The following PPP5C variants were observed in gnomAD, a reference collection of about 807,000 sequenced individuals.
PPP5C encodes protein phosphatase 5 catalytic subunit.
Under a neutral mutation model 66.7 loss-of-function variants are expected in PPP5C, and 21 were observed. The observed-to-expected ratio is 0.31, with a 90% CI of 0.22 to 0.45. The LOEUF (loss-of-function observed/expected upper bound fraction) is 0.45. Among genes scored for constraint, PPP5C ranks in the 20% least tolerant of loss-of-function variants. The probability of loss-of-function intolerance (pLI) is 1.00; values close to 1 mark genes in which losing one functional copy is unlikely to be tolerated. For synonymous variants in PPP5C, 246 were observed against 257.4 expected, an observed-to-expected ratio of 0.96 and a Z score of 0.43; for missense variants, 464 against 675.9, an observed-to-expected ratio of 0.69 and a Z score of 3.48.
At chr19:46,350,028 TGGG>T (rs1435226095) in intron 1 of PPP5C, among the ~76,000 whole-genome samples, 1 of 28,612 alleles carries the variant, frequency 3.5e-5, no homozygotes, top group African/African-American at 1.4e-4. Flanking sequence ...GGGGTGGCGG[TGGG>T]GGGTGGGGCT....
rs1028814909 is a variant in PPP5C at position 46,353,931 on chromosome 19, G to A, written c.305G>A (p.Arg102Gln). Residue 102 changes from arginine to glutamine, a missense_variant, in exon 2 of 13, where the codon CGG (arginine) becomes CAG (glutamine). This residue lies in a region of PPP5C where 387 missense variants were observed against 626.0 expected (regional missense o/e 0.62). Coordinates refer to ENST00000012443, the MANE Select transcript of PPP5C (RefSeq NM_006247.4). The stretch of plus-strand genomic sequence containing the variant: ...AAGTACATCAAGGGTTATTACCGCC[G>A]GGCTGCCAGCAACATGGCACTGGGC... Reference protein sequence around the residue: ...DKKYIKGYYRRAASNMALGKF... With the variant: ...DKKYIKGYYRQAASNMALGKF... 3 of 1,606,686 alleles carry A rather than the reference G, an allele frequency of 1.9e-6. No homozygotes were observed. Among genetic ancestry groups the A allele is most frequent in the African/African-American group, 1.3e-5 (1 of 74,882 alleles).
chr19:46,381,324 C>T (rs1186588769), intron 4 of PPP5C, among the ~76,000 whole-genome samples: 2 of 152,152 alleles, frequency 1.3e-5, no homozygotes, highest in African/African-American at 2.4e-5. Context: ...CTGATAGTTC[C>T]ATCATCTGGT....
In PPP5C at chr19:46,376,600, A is replaced by C. The variant is rs1601435579; in HGVS notation, c.633+26A>C. The C allele has an allele frequency of 6.2e-7, 1 of 1,609,262 alleles. No homozygotes were observed. The highest frequency in any genetic ancestry group is 8.5e-7 in the Non-Finnish European group (1 of 1,177,212). ...GTAATGCATCTGTCAGGTACTGGGCACCCGGGAACCCTGGGATGGCATCAC... is the reference window on the plus strand; with the variant it reads ...GTAATGCATCTGTCAGGTACTGGGCCCCCGGGAACCCTGGGATGGCATCAC... On this transcript the variant is annotated intron_variant, in intron 4 of 12. Transcript: ENST00000012443. This position sits in a 1 kb window ranked among gnomAD's most constrained non-coding sequence, Gnocchi z 5.1.
At chr19:46,386,092 C>G (rs920365566) in intron 7 of PPP5C, among the ~76,000 whole-genome samples, 38 of 152,078 alleles carry the variant, frequency 2.5e-4, no homozygotes, top group Admixed American at 6.5e-5. Context: ...CTGCCAGTGA[C>G]GAAGACGGGA....
chr19:46,353,731 T>C lies in PPP5C; in HGVS notation c.122-17T>C. On this transcript the variant is annotated splice_polypyrimidine_tract_variant and intron_variant, in intron 1 of 12. Transcript: ENST00000012443. ...GGGTTGGAGCACTGCCTCATGCCTC[T>C]TCTTCTGTCTCCGCAGCCAAGGACT... The C allele has an allele frequency of 6.2e-7, 1 of 1,613,864 alleles. No homozygotes were observed. Among genetic ancestry groups the C allele is most frequent in the South Asian group, 1.1e-5 (1 of 91,060 alleles).
At position 46,389,337 on chromosome 19, in the gene PPP5C, G is replaced by A. The variant is rs185157319; in HGVS notation, c.1355+606G>A. ...ACTCCATCTCAAAACACACGCACACGGGCAAGAGTAAGACTCCATCTCAAA... is the reference window on the plus strand; with the variant it reads ...ACTCCATCTCAAAACACACGCACACAGGCAAGAGTAAGACTCCATCTCAAA... On this transcript the variant is annotated intron_variant, in intron 11 of 12. Coordinates refer to ENST00000012443, the MANE Select transcript of PPP5C (RefSeq NM_006247.4). Among the ~76,000 whole-genome samples, 46 of 137,848 alleles carry A rather than the reference G, an allele frequency of 3.3e-4. 1 individual carries two copies. Among genetic ancestry groups the A allele is most frequent in the Admixed American group, 1.8e-3 (25 of 14,060 alleles). 90.4% of individuals were successfully genotyped at this position (137,848 alleles called of 152,430 possible). A position where few individuals can be genotyped will look rare whatever the true frequency, so the allele number is the denominator to read the frequency against.
Position 46,388,395 on chromosome 19 carries a change from C to T in PPP5C, c.1136-13C>T, listed in dbSNP as rs181685314. On this transcript the variant is annotated splice_polypyrimidine_tract_variant and intron_variant, in intron 9 of 12. Coordinates refer to ENST00000012443, the MANE Select transcript of PPP5C (RefSeq NM_006247.4). The surrounding 1 kb of genome is among the most constrained non-coding windows in gnomAD (Gnocchi z 4.9). ...GTGGACGAGTCCCTAATGTTTCCCT[C>T]GCTCCCCACCAGGGCCCATGTGTGA... 4.3e-4 allele frequency: 697 copies of T among 1,608,066 alleles called. No homozygotes were observed. Among genetic ancestry groups the T allele is most frequent in the Non-Finnish European group, 5.2e-4 (613 of 1,175,906 alleles).
chr19:46,376,584 C>G lies in PPP5C; in HGVS notation c.633+10C>G. The G allele has an allele frequency of 6.2e-7, 1 of 1,612,462 alleles. No individual in the cohort carries two copies. The highest frequency in any genetic ancestry group is 2.2e-5 in the East Asian group (1 of 44,842). ...GAAATGTGCCTACCAGGTAATGCATCTGTCAGGTACTGGGCACCCGGGAAC... is the reference window on the plus strand; with the variant it reads ...GAAATGTGCCTACCAGGTAATGCATGTGTCAGGTACTGGGCACCCGGGAAC... On this transcript the variant is annotated intron_variant, in intron 4 of 12. Coordinates refer to ENST00000012443, the MANE Select transcript of PPP5C (RefSeq NM_006247.4). This position sits in a 1 kb window ranked among gnomAD's most constrained non-coding sequence, Gnocchi z 5.1.
Position 46,383,631 on chromosome 19 carries a change from G to T in PPP5C, c.700-149G>T. ...TCCTGAATATCCCATTTCTCTCCTG[G>T]CCTCTTGGTCTTCGTTTGTGTTCCC... On this transcript the variant is annotated intron_variant, in intron 5 of 12. Transcript: ENST00000012443. The surrounding 1 kb of genome is among the most constrained non-coding windows in gnomAD (Gnocchi z 5.0). 1.9e-6 allele frequency: 2 copies of T among 1,028,210 alleles called. No individual in the cohort carries two copies. The highest frequency in any genetic ancestry group is 1.4e-6 in the Non-Finnish European group (1 of 699,602). 63.7% of individuals were successfully genotyped at this position (1,028,210 alleles called of 1,614,324 possible). A position where few individuals can be genotyped will look rare whatever the true frequency, so the allele number is the denominator to read the frequency against.
rs1314668139 is a variant in PPP5C at position 46,383,623 on chromosome 19, C to T, written c.699+147C>T. 6.9e-6 allele frequency: 7 copies of T among 1,021,526 alleles called. No homozygotes were observed. Among genetic ancestry groups the T allele is most frequent in the Non-Finnish European group, 1.0e-5 (7 of 695,648 alleles). 63.3% of individuals were successfully genotyped at this position (1,021,526 alleles called of 1,614,324 possible). On this transcript the variant is annotated intron_variant, in intron 5 of 12. Transcript: ENST00000012443. The surrounding 1 kb of genome is among the most constrained non-coding windows in gnomAD (Gnocchi z 5.0). ...GCCTTTCCTCCTGAATATCCCATTT[C>T]TCTCCTGGCCTCTTGGTCTTCGTTT... is the stretch of plus-strand genomic sequence containing the variant.
chr19:46,387,799 A>G, intron 9 of PPP5C: 1 of 1,137,474 alleles, frequency 8.8e-7, no homozygotes, highest in Non-Finnish European at 1.1e-6. Context: ...CCACAGGTGC[A>G]CACGCACGTG....
At chr19:46,375,117 C>T (rs1365671901) in intron 2 of PPP5C, among the ~76,000 whole-genome samples, 2 of 152,228 alleles carry the variant, frequency 1.3e-5, no homozygotes, top group Admixed American at 6.5e-5. Flanking sequence ...TGTGTCACCT[C>T]CCTGTTAGAG....
chr19:46,368,618 A>G (rs1972531261), intron 2 of PPP5C, among the ~76,000 whole-genome samples: 1 of 152,120 alleles, frequency 6.6e-6, no homozygotes, highest in East Asian at 1.9e-4. Flanking sequence ...TATAACAGGG[A>G]TGAACTGTAT....
chr19:46,364,922 C>T (rs1242902872), intron 2 of PPP5C, among the ~76,000 whole-genome samples: 3 of 125,214 alleles, frequency 2.4e-5, no homozygotes, highest in South Asian at 2.6e-4. Flanking sequence ...GTTTCGGGGC[C>T]GGGGCGGGGG....
chr19:46,370,333 T>C (rs1972566198), intron 2 of PPP5C, among the ~76,000 whole-genome samples: 2 of 152,204 alleles, frequency 1.3e-5, no homozygotes, highest in Non-Finnish European at 2.9e-5. Flanking sequence ...ACTTTTTTGT[T>C]AAAAACGAAG....
At position 46,388,500 on chromosome 19, in the gene PPP5C, T is replaced by C. The variant is rs899179278; in HGVS notation, c.1176+52T>C. On this transcript the variant is annotated intron_variant, in intron 10 of 12. Transcript: ENST00000012443. The surrounding 1 kb of genome is among the most constrained non-coding windows in gnomAD (Gnocchi z 4.9). ...GGCGGGTGTGGGCTGTGGCAGCAGG[T>C]GGAGGCAGACAGTCACCCTGAACCC... The C allele has an allele frequency of 9.3e-6, 15 of 1,608,376 alleles. No homozygotes were observed. The highest frequency in any genetic ancestry group is 1.3e-5 in the African/African-American group (1 of 74,764).
intron 2 of PPP5C, among the ~76,000 whole-genome samples, chr19:46,355,411 C>T (rs932114883): frequency 6.6e-6 from 1 of 152,100 alleles, no homozygotes; most frequent in Non-Finnish European, 1.5e-5. Context: ...CTGAGAAGCA[C>T]GAGTCTGCAG....
chr19:46,365,754 AAG>A (rs941470583), intron 2 of PPP5C, among the ~76,000 whole-genome samples: 3 of 152,176 alleles, frequency 2.0e-5, no homozygotes, highest in Non-Finnish European at 2.9e-5. Context: ...CAGTGGGTCA[AAG>A]GGGGCAATTT....
intron 2 of PPP5C, among the ~76,000 whole-genome samples, chr19:46,357,008 A>C (rs1037845053): frequency 6.6e-6 from 1 of 152,162 alleles, no homozygotes; most frequent in African/African-American, 2.4e-5. Flanking sequence ...GGAGGTGAGA[A>C]TATAGGAATA....
Sources: allele counts gnomAD v4.1 joint callset (sites outside exome capture counted in the v4.1 genomes callset), GRCh38; gene constraint gnomAD v4.1.1; regional missense constraint gnomAD v4.1.1; non-coding constraint Gnocchi (gnomAD v3.1); transcripts MANE v1.5; gene names NCBI Gene and HGNC (gene_info 2026-07-23, HGNC 2026-07-21).